Variants in AGMO observed in about 807,000 individuals in gnomAD.
The protein encoded by AGMO is glyceryl-ether monooxygenase.
A neutral mutation model predicts 60.2 loss-of-function variants in AGMO; 75 were observed. That is an observed-to-expected ratio of 1.25 (90% confidence interval 1.03 to 1.51). The LOEUF (loss-of-function observed/expected upper bound fraction) is 1.51. Ranked by LOEUF, AGMO falls within the 40% of genes most tolerant of loss-of-function variation. The pLI, the probability that AGMO is intolerant of heterozygous loss-of-function variation, is 0.00. For missense variants in AGMO, 763 were observed against 525.5 expected (o/e 1.45, Z -4.42); for synonymous variants, 261 against 177.1 (o/e 1.47, Z -3.76).
At chr7:15,472,969 T>C (rs1001087983) in intron 3 of AGMO, among the ~76,000 whole-genome samples, 4 of 151,952 alleles carry the variant, frequency 2.6e-5, no homozygotes, top group African/African-American at 4.8e-5. Context: ...TTCATGATTG[T>C]TGTATGTTTC....
At chr7:15,432,651 T>C (rs772407830) in intron 3 of AGMO, among the ~76,000 whole-genome samples, 2 of 151,838 alleles carry the variant, frequency 1.3e-5, no homozygotes, top group Admixed American at 6.6e-5. Context: ...ACAGCAGATA[T>C]GTAACTTAGA....
At chr7:15,320,453 A>G (rs1781073829) in intron 12 of AGMO, among the ~76,000 whole-genome samples, 1 of 152,094 alleles carries the variant, frequency 6.6e-6, no homozygotes, top group African/African-American at 2.4e-5. Flanking sequence ...TTTCTACTAA[A>G]GACTCTAAAT....
rs554632635 is a variant in AGMO, at chr7:15,207,787, A to G, written c.1264-6428T>C. Among the ~76,000 whole-genome samples the G allele has an allele frequency of 7.2e-5, 11 of 152,230 alleles. No homozygotes were observed. The South Asian group carries it at 2.1e-3, about 29-fold the overall frequency. On this transcript the variant is annotated intron_variant, in intron 12 of 12. Coordinates refer to ENST00000342526, the MANE Select transcript of AGMO (RefSeq NM_001004320.2). ...GTCTCTGCTAAAAATACAAAAAATT[A>G]GCCGGGCTTGGTGGCGGGCACCTGT...
intron 10 of AGMO, among the ~76,000 whole-genome samples, chr7:15,384,005 G>C (rs1045967939): frequency 1.3e-5 from 2 of 151,702 alleles, no homozygotes; most frequent in African/African-American, 4.8e-5. Context: ...GCGCGATCTC[G>C]GCTCACTGCA....
At chr7:15,355,394 TC>T (rs1206912037) in intron 12 of AGMO, among the ~76,000 whole-genome samples, 2 of 149,232 alleles carry the variant, frequency 1.3e-5, no homozygotes, top group African/African-American at 5.0e-5. Flanking sequence ...TCCCAGCTAC[TC>T]GGGAGGCTGA....
chr7:15,355,699 TTAA>T (rs1782505228), intron 12 of AGMO, among the ~76,000 whole-genome samples: 1 of 152,092 alleles, frequency 6.6e-6, no homozygotes, highest in Non-Finnish European at 1.5e-5. Flanking sequence ...TCTATCTGAA[TTAA>T]TAATAATGGA....
chr7:15,226,160 C>T (rs1334578613), intron 12 of AGMO, among the ~76,000 whole-genome samples: 1 of 151,996 alleles, frequency 6.6e-6, no homozygotes, highest in African/African-American at 2.4e-5. Flanking sequence ...CAAACCTGAG[C>T]TTGGAGGATT....
At chr7:15,311,044 A>C (rs1780756194) in intron 12 of AGMO, among the ~76,000 whole-genome samples, 1 of 152,128 alleles carries the variant, frequency 6.6e-6, no homozygotes. Context: ...TCCACATCTC[A>C]AGGTCAGCTG....
In AGMO at chr7:15,279,671, G is replaced by T. The variant is rs190245595; in HGVS notation, c.1264-78312C>A. On this transcript the variant is annotated intron_variant, in intron 12 of 12. Transcript: ENST00000342526. ...AACAGGAACACTGAAAGAAACCACA[G>T]ACCCTTTGAAAGAAGCAGCAGGCTG... 8.3e-4 allele frequency among the ~76,000 whole-genome samples: 127 copies of T among 152,148 alleles called. 1 individual carries two copies. The Middle Eastern group carries it at 0.01, about 12-fold the overall frequency.
At chr7:15,181,685 G>A in the AGMO span, among the ~76,000 whole-genome samples, 2 of 152,064 alleles carry the variant, frequency 1.3e-5, no homozygotes, top group African/African-American at 2.4e-5. Context: ...TCACTATAAC[G>A]GAAAAATTCT....
At chr7:15,396,752 T>C (rs1784406547) in intron 5 of AGMO, among the ~76,000 whole-genome samples, 1 of 151,616 alleles carries the variant, frequency 6.6e-6, no homozygotes, top group Admixed American at 6.6e-5. Context: ...TTGGTCCATT[T>C]TACGGAGAGC....
At chr7:15,207,579 G>C (rs1388671426) in intron 12 of AGMO, among the ~76,000 whole-genome samples, 1 of 152,134 alleles carries the variant, frequency 6.6e-6, no homozygotes, top group African/African-American at 2.4e-5. Flanking sequence ...ATTTTTACCA[G>C]CTTAGATTGT....
intron 3 of AGMO, among the ~76,000 whole-genome samples, chr7:15,433,828 C>T (rs901125597): frequency 2.0e-5 from 3 of 151,648 alleles, no homozygotes; most frequent in African/African-American, 7.3e-5. Context: ...GATTATGCTG[C>T]TTTCTAGTGC....
At chr7:15,313,197 G>C (rs1780818951) in intron 12 of AGMO, among the ~76,000 whole-genome samples, 1 of 152,118 alleles carries the variant, frequency 6.6e-6, no homozygotes, top group Admixed American at 6.6e-5. Flanking sequence ...ATAAAGGCAT[G>C]TTTCTCACTG....
At chr7:15,416,482 T>G (rs1434551770) in intron 5 of AGMO, among the ~76,000 whole-genome samples, 1 of 152,182 alleles carries the variant, frequency 6.6e-6, no homozygotes, top group Non-Finnish European at 1.5e-5. Flanking sequence ...CTAATGTGAT[T>G]GATTTTAGGA....
intron 12 of AGMO, among the ~76,000 whole-genome samples, chr7:15,346,505 A>G (rs1202388533): frequency 6.6e-6 from 1 of 151,906 alleles, no homozygotes; most frequent in Non-Finnish European, 1.5e-5. Flanking sequence ...TTTTTAATTG[A>G]TATTTATTTT....
intron 5 of AGMO, among the ~76,000 whole-genome samples, chr7:15,414,489 C>CAA (rs1780702391): frequency 1.3e-5 from 2 of 151,842 alleles, no homozygotes; most frequent in Non-Finnish European, 2.9e-5. Context: ...CACACACACA[C>CAA]ACACACACAA....
intron 10 of AGMO, among the ~76,000 whole-genome samples, chr7:15,366,975 T>TA (rs1266486460): frequency 6.6e-6 from 1 of 152,046 alleles, no homozygotes; most frequent in Non-Finnish European, 1.5e-5. Context: ...CCAGAAGAAT[T>TA]AGAGGAAAAG....
At chr7:15,242,220 G>A (rs985139959) in intron 12 of AGMO, among the ~76,000 whole-genome samples, 1 of 152,046 alleles carries the variant, frequency 6.6e-6, no homozygotes, top group Middle Eastern at 3.2e-3. Flanking sequence ...TAAGTTTAGG[G>A]CAGAAAATCA....
Sources: gnomAD v4.1 joint callset for allele counts (sites outside exome capture counted in the v4.1 genomes callset) on GRCh38, gnomAD v4.1.1 for gene constraint, MANE v1.5 for transcripts, NCBI Gene and HGNC (gene_info 2026-07-23, HGNC 2026-07-21) for gene names.